The following RAD18 variants were observed in gnomAD, a reference collection of about 807,000 sequenced individuals.
RAD18 encodes RAD18 E3 ubiquitin protein ligase.
RAD18 carries 47 observed loss-of-function variants against 60.4 expected under a neutral mutation model. The observed-to-expected ratio is 0.78, with a 90% CI of 0.62 to 0.99. RAD18 has a LOEUF of 0.99. RAD18 is among the 50% of genes least tolerant of loss of function. The pLI, the probability that RAD18 is intolerant of heterozygous loss-of-function variation, is 0.00. For synonymous variants in RAD18, 225 were observed against 195.5 expected (o/e 1.15, Z -1.26); for missense variants, 640 against 593.3 (o/e 1.08, Z -0.82).
In RAD18 at chr3:8,943,650, G is replaced by GA. The variant is rs200145015; in HGVS notation, c.267-1847dup. ...TGGCTGAGAATTTTCAAATCTGATA[G>GA]AAAAAAAAAATCAACCCATAGATTC... is the stretch of plus-strand genomic sequence containing the variant. On this transcript the variant is annotated intron_variant, in intron 4 of 12. Transcript: ENST00000264926. Among the ~76,000 whole-genome samples the GA allele has an allele frequency of 4.5e-3, 677 of 148,906 alleles. 3 individuals are homozygous for GA. The highest frequency in any genetic ancestry group is 6.3e-3 in the Non-Finnish European group (422 of 66,934).
At position 8,881,295 on chromosome 3, in the gene RAD18, C is replaced by T; in HGVS notation, c.*62G>A. The stretch of plus-strand genomic sequence containing the variant: ...GGGCATTTATAAATAGAAAATCTAT[C>T]TGTGGCAACCAAAAGTACGGTATTC... On this transcript the variant is annotated 3_prime_UTR_variant, in exon 13 of 13. Transcript: ENST00000264926. 7.7e-7 allele frequency: 1 copy of T among 1,305,736 alleles called. No individual in the cohort carries two copies. Among genetic ancestry groups the T allele is most frequent in the Non-Finnish European group, 1.1e-6 (1 of 917,570 alleles). The allele number at this position is 1,305,736 out of a possible 1,614,324, so 80.9% of individuals were successfully genotyped here.
At chr3:8,920,207 A>C (rs1197772494) in intron 7 of RAD18, among the ~76,000 whole-genome samples, 2 of 141,936 alleles carry the variant, frequency 1.4e-5, no homozygotes, top group African/African-American at 5.2e-5. Flanking sequence ...TGAACCTGGG[A>C]GGCGGAGCTT....
In RAD18 at chr3:8,936,007, G is replaced by C. The variant is rs768989641; in HGVS notation, c.753C>G (p.Leu251=). 2 of 1,609,794 alleles carry C rather than the reference G, an allele frequency of 1.2e-6. No individual in the cohort carries two copies. Among genetic ancestry groups the C allele is most frequent in the East Asian group, 2.2e-5 (1 of 44,770 alleles). The change falls in exon 7 of 13, where the codon CTC becomes CTG. Residue 251 remains leucine, a synonymous_variant. Transcript: ENST00000264926. ...KPLPKTVYNL[L]SDRDLKKKLK... ...GCTTTTTCTTTAAATCACGATCAGA[G>C]AGCAAATTATATACAGTTTTGGGCA...
chr3:8,912,826 A>C (rs1030960989), intron 8 of RAD18, among the ~76,000 whole-genome samples: 8 of 152,162 alleles, frequency 5.3e-5, no homozygotes, highest in Non-Finnish European at 1.0e-4. Flanking sequence ...AAACACAGTA[A>C]GTTAAGCCTC....
intron 7 of RAD18, among the ~76,000 whole-genome samples, chr3:8,927,547 A>G (rs1194003912): frequency 3.3e-5 from 5 of 152,244 alleles, no homozygotes; most frequent in Non-Finnish European, 7.3e-5. Context: ...TGACCCAGCC[A>G]TCCCATTACT....
At chr3:8,918,604 G>A (rs951715613) in intron 7 of RAD18, among the ~76,000 whole-genome samples, 1 of 152,094 alleles carries the variant, frequency 6.6e-6, no homozygotes, top group Non-Finnish European at 1.5e-5. Context: ...TCACCCTGGG[G>A]TGTCTTTGTA....
intron 11 of RAD18, among the ~76,000 whole-genome samples, chr3:8,897,590 TC>T (rs1271024718): frequency 6.6e-6 from 1 of 152,300 alleles, no homozygotes; most frequent in East Asian, 1.9e-4. Context: ...TGACTGGTAG[TC>T]CCTTCTAAGT....
intron 12 of RAD18, among the ~76,000 whole-genome samples, chr3:8,884,259 C>G (rs1400325066): frequency 6.6e-6 from 1 of 152,158 alleles, no homozygotes; most frequent in Non-Finnish European, 1.5e-5. Context: ...AGACATTTTT[C>G]TTGAATAAAT....
rs749800731 is a variant in RAD18 at position 8,963,366 on chromosome 3, G to T, written c.20C>A (p.Ser7Tyr). 6.2e-7 allele frequency: 1 copy of T among 1,611,540 alleles called. No individual in the cohort carries two copies. The highest frequency in any genetic ancestry group is 8.5e-7 in the Non-Finnish European group (1 of 1,178,972). ...GACTGCCAGGCCCGGAGGCCACCGA[G>T]ACTCGGCCAGGGAGTCCATGGTCGC... MDSLAE[S>Y]RWPPGLAVMK... The change falls in exon 1 of 13, where the codon TCT becomes TAT. Residue 7 changes from serine to tyrosine, a missense_variant. Physicochemically the swap from Ser to Tyr is moderately radical, Grantham distance 144 (BLOSUM62 -2). Coordinates refer to ENST00000264926, the MANE Select transcript of RAD18 (RefSeq NM_020165.4).
intron 1 of RAD18, among the ~76,000 whole-genome samples, chr3:8,959,241 G>A (rs1186740262): frequency 2.6e-5 from 4 of 152,208 alleles, no homozygotes. Flanking sequence ...TAAAGATGAT[G>A]GCACACCGAT....
intron 11 of RAD18, among the ~76,000 whole-genome samples, chr3:8,896,845 AG>A (rs1348632169): frequency 6.6e-6 from 1 of 152,214 alleles, no homozygotes; most frequent in Non-Finnish European, 1.5e-5. Flanking sequence ...GAAAAGGGTT[AG>A]GAAACATTGT....
At chr3:8,914,723 T>A (rs534047374) in intron 7 of RAD18, among the ~76,000 whole-genome samples, 1 of 152,286 alleles carries the variant, frequency 6.6e-6, no homozygotes, top group Non-Finnish European at 1.5e-5. Flanking sequence ...AGTGGTTCTC[T>A]CCTTTCCAAA....
At chr3:8,942,469 A>G (rs1031513138) in intron 4 of RAD18, among the ~76,000 whole-genome samples, 2 of 152,166 alleles carry the variant, frequency 1.3e-5, no homozygotes, top group East Asian at 1.9e-4. Context: ...CCCAGCCTCA[A>G]GTTTACTTTA....
intron 1 of RAD18, among the ~76,000 whole-genome samples, chr3:8,961,070 C>T (rs915323889): frequency 1.1e-4 from 17 of 152,174 alleles, no homozygotes; most frequent in African/African-American, 3.4e-4. Context: ...GAAGCCAGAA[C>T]CAGTCTATTA....
chr3:8,941,479 G>A lies in RAD18; in HGVS notation c.592C>T (p.Gln198Ter). Residue 198 changes from glutamine (Q) to a stop codon, truncating the protein, a stop_gained, in exon 5 of 13, where the codon CAA becomes TAA. Coordinates refer to ENST00000264926, the MANE Select transcript of RAD18 (RefSeq NM_020165.4). LOFTEE classifies it high-confidence loss of function. Reference sequence around the variant, plus strand: ...AATAACTTCCTACCTTTAGTAACTTGTTTCAAAGTGGATGTCGAGGGTGGC... The same window carrying A: ...AATAACTTCCTACCTTTAGTAACTTATTTCAAAGTGGATGTCGAGGGTGGC... ...PEPPSTSTLK[Q>*]VTKVDCPVCG... The A allele has an allele frequency of 6.2e-7, 1 of 1,602,586 alleles. No individual in the cohort carries two copies. Among genetic ancestry groups the A allele is most frequent in the Non-Finnish European group, 8.5e-7 (1 of 1,171,716 alleles).
intron 2 of RAD18, among the ~76,000 whole-genome samples, chr3:8,953,583 G>A (rs1436759303): frequency 2.0e-5 from 3 of 152,062 alleles, no homozygotes; most frequent in Non-Finnish European, 4.4e-5. Context: ...ATTCCCAGAG[G>A]GCTTCATTTA....
chr3:8,910,888 A>G (rs1406442567), intron 9 of RAD18, among the ~76,000 whole-genome samples: 2 of 152,260 alleles, frequency 1.3e-5, no homozygotes. Flanking sequence ...GGTAATTACC[A>G]AAAGTAGCAC....
At chr3:8,940,253 G>C (rs1940724939) in intron 5 of RAD18, among the ~76,000 whole-genome samples, 2 of 152,054 alleles carry the variant, frequency 1.3e-5, no homozygotes, top group African/African-American at 4.8e-5. Flanking sequence ...GACCACCATG[G>C]ATAATAGGCA....
At position 8,886,592 on chromosome 3, in the gene RAD18, G is replaced by A. The variant is rs555728484; in HGVS notation, c.1385+3797C>T. On this transcript the variant is annotated intron_variant, in intron 12 of 12. Transcript: ENST00000264926. ...ACATATTTATTGAGTGCCTATGCTG[G>A]GCTGCCCAGGCACAGTGCTAGGTGC... Among the ~76,000 whole-genome samples the A allele has an allele frequency of 1.1e-3, 162 of 152,288 alleles. 2 individuals are homozygous for A. In the South Asian group the frequency reaches 0.013, roughly 13 times the overall value.
Sources: allele counts gnomAD v4.1 joint callset (sites outside exome capture counted in the v4.1 genomes callset), GRCh38; gene constraint gnomAD v4.1.1; transcripts MANE v1.5; gene names NCBI Gene and HGNC (gene_info 2026-07-23, HGNC 2026-07-21).